The following PLAGL1 variants were observed in gnomAD, a reference collection of about 807,000 sequenced individuals.
PLAGL1 encodes PLAG1 like zinc finger 1, also known as zinc finger protein PLAGL1.
In PLAGL1, 1 loss-of-function variant was observed where a neutral mutation model predicts 4.6. The ratio of observed to expected loss-of-function variants is 0.22; its 90% CI spans 0.08 to 1.03. The LOEUF (loss-of-function observed/expected upper bound fraction) is 1.03. Ranked by LOEUF, PLAGL1 falls within the 50% of genes least tolerant of loss-of-function variation. The probability of loss-of-function intolerance (pLI) is 0.58; values close to 1 mark genes in which losing one functional copy is unlikely to be tolerated. For missense variants in PLAGL1, 464 were observed against 570.4 expected, an observed-to-expected ratio of 0.81 and a Z score of 1.90; for synonymous variants, 240 against 237.8, an observed-to-expected ratio of 1.01 and a Z score of -0.08.
In PLAGL1 at chr6:143,941,514, C is replaced by T; in HGVS notation, c.1302G>A (p.Leu434=). 1.9e-6 allele frequency: 3 copies of T among 1,540,364 alleles called. No homozygotes were observed. Among genetic ancestry groups the T allele is most frequent in the Non-Finnish European group, 2.6e-6 (3 of 1,144,292 alleles). ...EPPLAMGTVS[L]GQLPLPPIPH... ...GGATGGGGGGCAGGGGGAGCTGGCC[C>T]AGGCTCACAGTGCCCATGGCAAGTG... The change falls in exon 8 of 8, where the codon CTG becomes CTA. Residue 434 remains leucine, a synonymous_variant. Coordinates refer to ENST00000674357, the MANE Select transcript of PLAGL1 (RefSeq NM_001317162.2). This position sits in a 1 kb window ranked among gnomAD's most constrained non-coding sequence, Gnocchi z 6.0.
intron 1 of PLAGL1, among the ~76,000 whole-genome samples, chr6:143,999,341 C>T (rs1265750613): frequency 6.6e-6 from 1 of 152,186 alleles, no homozygotes; most frequent in Non-Finnish European, 1.5e-5. Context: ...AACACATTGC[C>T]TGGCACATAG....
Position 143,941,241 on chromosome 6 carries a change from A to C in PLAGL1, c.*183T>G. On this transcript the variant is annotated 3_prime_UTR_variant, in exon 8 of 8. Coordinates refer to ENST00000674357, the MANE Select transcript of PLAGL1 (RefSeq NM_001317162.2). This position sits in a 1 kb window ranked among gnomAD's most constrained non-coding sequence, Gnocchi z 6.0. ...TCATTAAATTTGGTACAAAGCATGA[A>C]CACTCAGGACAGATTGGCACAATAC... 2.2e-6 allele frequency: 1 copy of C among 458,490 alleles called. No homozygotes were observed. The highest frequency in any genetic ancestry group is 3.8e-6 in the Non-Finnish European group (1 of 264,826). 28.4% of individuals were successfully genotyped at this position (458,490 alleles called of 1,614,324 possible). A position where few individuals can be genotyped will look rare whatever the true frequency, so the allele number is the denominator to read the frequency against.
upstream of PLAGL1, among the ~76,000 whole-genome samples, chr6:144,010,480 C>T (rs948758040): frequency 6.6e-5 from 10 of 152,190 alleles, no homozygotes; most frequent in Non-Finnish European, 1.3e-4. The surrounding 1 kb of genome is among the most constrained non-coding windows in gnomAD (Gnocchi z 4.1). Context: ...AAAAACATTC[C>T]ATGCTCATGG....
intron 1 of PLAGL1, among the ~76,000 whole-genome samples, chr6:144,019,713 G>C (rs568103568): frequency 1.3e-5 from 2 of 151,588 alleles, no homozygotes; most frequent in Non-Finnish European, 2.9e-5. Context: ...GAATCTAAGT[G>C]GGGGGGTAGG....
rs1324452544 is a variant in PLAGL1, at chr6:143,972,415, C to T, written c.-543-3437G>A. Reference sequence around the variant, plus strand: ...TGAGGGGAGATGTGAAAGAAGGTATCTCAGAGATGTTTCCTTGTGATAATC... The same window carrying T: ...TGAGGGGAGATGTGAAAGAAGGTATTTCAGAGATGTTTCCTTGTGATAATC... On this transcript the variant is annotated intron_variant, in intron 2 of 7. Transcript: ENST00000674357. This position sits in a 1 kb window ranked among gnomAD's most constrained non-coding sequence, Gnocchi z 6.8. 1.3e-5 allele frequency among the ~76,000 whole-genome samples: 2 copies of T among 152,152 alleles called. No individual in the cohort carries two copies. The highest frequency in any genetic ancestry group is 2.9e-5 in the Non-Finnish European group (2 of 68,014).
intron 1 of PLAGL1, among the ~76,000 whole-genome samples, chr6:144,026,074 C>A (rs1362378737): frequency 6.6e-6 from 1 of 152,134 alleles, no homozygotes; most frequent in Non-Finnish European, 1.5e-5. Context: ...ACTTTCCCAA[C>A]CCATTCATTC....
intron 1 of PLAGL1, among the ~76,000 whole-genome samples, chr6:144,044,770 G>T (rs1039640113): frequency 6.6e-6 from 1 of 152,112 alleles, no homozygotes; most frequent in Non-Finnish European, 1.5e-5. Context: ...TGACAGTGCG[G>T]TGTTAATGTC....
intron 6 of PLAGL1, among the ~76,000 whole-genome samples, chr6:143,956,700 A>C (rs969078858): frequency 2.6e-5 from 4 of 152,226 alleles, no homozygotes; most frequent in Non-Finnish European, 4.4e-5. Flanking sequence ...ATCTACATGG[A>C]GATGGAGTGA....
chr6:144,006,739 C>A lies in PLAGL1; in HGVS notation c.-584+1351G>T, dbSNP rs1365416283. On this transcript the variant is annotated intron_variant, in intron 1 of 7. Coordinates refer to ENST00000674357, the MANE Select transcript of PLAGL1 (RefSeq NM_001317162.2). The surrounding 1 kb of genome is among the most constrained non-coding windows in gnomAD (Gnocchi z 4.3). ...CCAGTTTTCTGCCATTACAGTCAACCTTCTTGTACACGTCTGCTTGTGGAC... is the reference window on the plus strand; with the variant it reads ...CCAGTTTTCTGCCATTACAGTCAACATTCTTGTACACGTCTGCTTGTGGAC... 1 of 152,174 alleles carries A rather than the reference C, an allele frequency of 6.6e-6. No individual in the cohort carries two copies. Among genetic ancestry groups the A allele is most frequent in the Non-Finnish European group, 1.5e-5 (1 of 68,038 alleles). 9.4% of individuals were successfully genotyped at this position (152,174 alleles called of 1,614,324 possible).
At chr6:143,999,287 C>A (rs1792325833) in intron 1 of PLAGL1, among the ~76,000 whole-genome samples, 1 of 152,078 alleles carries the variant, frequency 6.6e-6, no homozygotes. Flanking sequence ...TCCTAATTGA[C>A]CCCTAAGTTC....
In PLAGL1 at chr6:143,990,449, T is replaced by C. The variant is rs935962790; in HGVS notation, c.-583-5275A>G. Among the ~76,000 whole-genome samples the C allele has an allele frequency of 1.3e-5, 2 of 152,138 alleles. No homozygotes were observed. The highest frequency in any genetic ancestry group is 3.2e-3 in the Middle Eastern group (1 of 316). ...TCCTCAATTTTTAAAGAACAAAACC[T>C]TCATTGACCTCCTGGTCCCACTATA... On this transcript the variant is annotated intron_variant, in intron 1 of 7. Coordinates refer to ENST00000674357, the MANE Select transcript of PLAGL1 (RefSeq NM_001317162.2). This position sits in a 1 kb window ranked among gnomAD's most constrained non-coding sequence, Gnocchi z 5.4.
rs562871678 is a variant in PLAGL1, at chr6:143,982,329, A to T, written c.-544+2806T>A. 6.6e-6 allele frequency among the ~76,000 whole-genome samples: 1 copy of T among 152,156 alleles called. No homozygotes were observed. The highest frequency in any genetic ancestry group is 1.5e-5 in the Non-Finnish European group (1 of 68,016). ...AAGTCATGTGGCTATTTCTGGGTAC[A>T]ATAATTGCAAAACTCGATGCAGAAA... On this transcript the variant is annotated intron_variant, in intron 2 of 7. Coordinates refer to ENST00000674357, the MANE Select transcript of PLAGL1 (RefSeq NM_001317162.2). The surrounding 1 kb of genome is among the most constrained non-coding windows in gnomAD (Gnocchi z 5.3).
In PLAGL1 at chr6:143,954,684, A is replaced by G. The variant is rs938042981; in HGVS notation, c.-325+5785T>C. Among the ~76,000 whole-genome samples, 1 of 152,258 alleles carries G rather than the reference A, an allele frequency of 6.6e-6. No homozygotes were observed. On this transcript the variant is annotated intron_variant, in intron 6 of 7. Coordinates refer to ENST00000674357, the MANE Select transcript of PLAGL1 (RefSeq NM_001317162.2). This position sits in a 1 kb window ranked among gnomAD's most constrained non-coding sequence, Gnocchi z 5.1. ...TCATCACATGACAAAGTTACCTATTATCATTGCTTGCATGAAACATTCATG... is the reference window on the plus strand; with the variant it reads ...TCATCACATGACAAAGTTACCTATTGTCATTGCTTGCATGAAACATTCATG...
At position 143,954,254 on chromosome 6, in the gene PLAGL1, A is replaced by G. The variant is rs1186358315; in HGVS notation, c.-324-5794T>C. 6.6e-6 allele frequency among the ~76,000 whole-genome samples: 1 copy of G among 152,228 alleles called. No individual in the cohort carries two copies. Among genetic ancestry groups the G allele is most frequent in the Non-Finnish European group, 1.5e-5 (1 of 68,038 alleles). ...CCAAGGATCACCAGAAATCAGAGGA[A>G]GGCACTTAATAGGGAAAACTGACAC... On this transcript the variant is annotated intron_variant, in intron 6 of 7. Transcript: ENST00000674357. The surrounding 1 kb of genome is among the most constrained non-coding windows in gnomAD (Gnocchi z 5.1).
chr6:144,026,948 A>C (rs1216895701), intron 1 of PLAGL1, among the ~76,000 whole-genome samples: 1 of 152,182 alleles, frequency 6.6e-6, no homozygotes, highest in Non-Finnish European at 1.5e-5. Flanking sequence ...GCAGTGGCTT[A>C]CACCTGTAAT....
Position 143,959,716 on chromosome 6 carries a change from T to G in PLAGL1, c.-325+753A>C, listed in dbSNP as rs1782951134. ...AACTGAGGCTCAGAGGATTTAAGTT[T>G]ACTGCCCATCAGCATGGACTAATGA... On this transcript the variant is annotated intron_variant, in intron 6 of 7. Transcript: ENST00000674357. This position sits in a 1 kb window ranked among gnomAD's most constrained non-coding sequence, Gnocchi z 5.3. Among the ~76,000 whole-genome samples, 1 of 152,212 alleles carries G rather than the reference T, an allele frequency of 6.6e-6. No homozygotes were observed. Among genetic ancestry groups the G allele is most frequent in the Non-Finnish European group, 1.5e-5 (1 of 68,040 alleles).
At position 143,995,731 on chromosome 6, in the gene PLAGL1, G is replaced by A. The variant is rs553921190; in HGVS notation, c.-583-10557C>T. On this transcript the variant is annotated intron_variant, in intron 1 of 7. Transcript: ENST00000674357. The surrounding 1 kb of genome is among the most constrained non-coding windows in gnomAD (Gnocchi z 4.4). ...TTTTCCTGAAGACTAAAGGAAGAAA[G>A]ATCACCCTTTCTACATGTTTCATAA... Among the ~76,000 whole-genome samples the A allele has an allele frequency of 2.0e-5, 3 of 151,988 alleles. No individual in the cohort carries two copies. Among genetic ancestry groups the A allele is most frequent in the South Asian group, 4.1e-4 (2 of 4,820 alleles).
intron 1 of PLAGL1, among the ~76,000 whole-genome samples, chr6:143,998,930 C>T (rs934434225): frequency 2.0e-5 from 3 of 151,796 alleles, no homozygotes; most frequent in African/African-American, 7.3e-5. Flanking sequence ...TAAGTTAGGA[C>T]CAGACAAAAA....
intron 1 of PLAGL1, among the ~76,000 whole-genome samples, chr6:144,041,011 G>A (rs937610267): frequency 6.6e-6 from 1 of 152,194 alleles, no homozygotes; most frequent in Admixed American, 6.5e-5. Context: ...GGGATCTGTG[G>A]TCAAGAGACA....
Sources: gnomAD v4.1 joint callset for allele counts (sites outside exome capture counted in the v4.1 genomes callset) on GRCh38, gnomAD v4.1.1 for gene constraint, Gnocchi (gnomAD v3.1) non-coding constraint, MANE v1.5 for transcripts, NCBI Gene and HGNC (gene_info 2026-07-23, HGNC 2026-07-21) for gene names.